The following MYPN variants were observed in gnomAD, a reference collection of about 807,000 sequenced individuals.
MYPN encodes sarcomeric protein myopalladin, 145 kDa (MYOP).
MYPN carries 63 observed loss-of-function variants against 129.4 expected under a neutral mutation model. That is an observed-to-expected ratio of 0.49 (90% CI 0.40 to 0.60). The LOEUF is 0.60. MYPN is among the 20% of genes least tolerant of loss of function. The pLI is 0.00. For synonymous variants in MYPN, 629 were observed against 600.9 expected, an observed-to-expected ratio of 1.05 and a Z score of -0.68; for missense variants, 1,596 against 1,635.4, an observed-to-expected ratio of 0.98 and a Z score of 0.42.
chr10:68,151,682 A>C (rs2042773719), intron 6 of MYPN, among the ~76,000 whole-genome samples: 1 of 152,128 alleles, frequency 6.6e-6, no homozygotes, highest in South Asian at 2.1e-4. Context: ...GCTAAACCAC[A>C]AGATAGTTTA....
chr10:68,165,730 G>C lies in MYPN; in HGVS notation c.1512G>C (p.Glu504Asp), dbSNP rs935247269. Reference sequence around the variant, plus strand: ...AGATTTGCACCTTGGTCATTGCTGAGGTGTTTGCAGAAGATTCTGGGTGCT... The same window carrying C: ...AGATTTGCACCTTGGTCATTGCTGACGTGTTTGCAGAAGATTCTGGGTGCT... ...PEEICTLVIA[E>D]VFAEDSGCFT... The change falls in exon 9 of 20, where the codon GAG (glutamate) becomes GAC (aspartate). Residue 504 changes from glutamate to aspartate, a missense_variant. Coordinates refer to ENST00000358913, the MANE Select transcript of MYPN (RefSeq NM_032578.4). The C allele has an allele frequency of 6.2e-7, 1 of 1,614,034 alleles. No individual in the cohort carries two copies. Among genetic ancestry groups the C allele is most frequent in the Non-Finnish European group, 8.5e-7 (1 of 1,180,016 alleles).
At chr10:68,113,027 G>C (rs555100093) in intron 1 of MYPN, among the ~76,000 whole-genome samples, 129 of 152,252 alleles carry the variant, frequency 8.5e-4, no homozygotes, top group African/African-American at 2.9e-3. Context: ...GGATATAGAA[G>C]GCAAAACCAA....
intron 13 of MYPN, among the ~76,000 whole-genome samples, chr10:68,192,989 G>A (rs2043540609): frequency 6.6e-6 from 1 of 151,268 alleles, no homozygotes. Flanking sequence ...TGTATTTTTG[G>A]TCTTTTGCAT....
At chr10:68,088,178 C>T (rs781419775) in intron 1 of MYPN, among the ~76,000 whole-genome samples, 1 of 152,118 alleles carries the variant, frequency 6.6e-6, no homozygotes, top group Non-Finnish European at 1.5e-5. Flanking sequence ...CTGAACCACT[C>T]CCTCTCACCT....
intron 5 of MYPN, 36 bp from the exon 6 acceptor site, chr10:68,150,004 G>A (rs2042740454): frequency 6.4e-7 from 1 of 1,563,618 alleles, no homozygotes; most frequent in Non-Finnish European, 8.8e-7. Flanking sequence ...AATAATATTA[G>A]TAACAATGAA....
intron 12 of MYPN, among the ~76,000 whole-genome samples, chr10:68,186,353 A>G (rs1036661708): frequency 5.3e-5 from 8 of 152,334 alleles, no homozygotes; most frequent in Admixed American, 2.0e-4. Flanking sequence ...AGATGATTAT[A>G]TTGAATGTAT....
chr10:68,194,597 G>A (rs911028926), intron 14 of MYPN, 85 bp downstream of exon 14: 2 of 1,444,918 alleles, frequency 1.4e-6, no homozygotes, highest in Non-Finnish European at 1.9e-6. Context: ...AGAAGTGCGA[G>A]TTACTAAGGA....
At chr10:68,132,289 A>T (rs1376627381) in intron 2 of MYPN, among the ~76,000 whole-genome samples, 1 of 152,156 alleles carries the variant, frequency 6.6e-6, no homozygotes, top group East Asian at 1.9e-4. Flanking sequence ...TATGGTAAAG[A>T]ATATTGATTT....
chr10:68,144,576 T>G (rs1186884888), intron 3 of MYPN, among the ~76,000 whole-genome samples: 10 of 152,234 alleles, frequency 6.6e-5, no homozygotes, highest in Non-Finnish European at 1.5e-4. Flanking sequence ...CTTCGTGGAA[T>G]GCACTATCTT....
At chr10:68,200,694 G>T (rs1171955897) in intron 17 of MYPN, among the ~76,000 whole-genome samples, 1 of 151,878 alleles carries the variant, frequency 6.6e-6, no homozygotes, top group Non-Finnish European at 1.5e-5. Flanking sequence ...GGAGGTGGAG[G>T]TTGCAGTCAG....
chr10:68,095,640 G>A, intron 1 of MYPN, among the ~76,000 whole-genome samples: 1 of 152,164 alleles, frequency 6.6e-6, no homozygotes, highest in East Asian at 1.9e-4. Context: ...CTTCCCCTAA[G>A]TTTTCTTTAA....
rs1028531330 is a variant in MYPN at position 68,210,713 on chromosome 10, C to T, written c.*258C>T. On this transcript the variant is annotated 3_prime_UTR_variant, in exon 20 of 20. Coordinates refer to ENST00000358913, the MANE Select transcript of MYPN (RefSeq NM_032578.4). ...TGAACCAAAGATGTCACACAGTTGC[C>T]ATCCACTGCTTTGGGAAAAAACTAG... 1.7e-6 allele frequency: 1 copy of T among 577,778 alleles called. No individual in the cohort carries two copies. The highest frequency in any genetic ancestry group is 2.2e-5 in the Admixed American group (1 of 46,142). 35.8% of individuals were successfully genotyped at this position (577,778 alleles called of 1,614,324 possible). A position where few individuals can be genotyped will look rare whatever the true frequency, so the allele number is the denominator to read the frequency against.
chr10:68,096,916 C>A (rs117162130), intron 1 of MYPN, among the ~76,000 whole-genome samples: 2 of 152,228 alleles, frequency 1.3e-5, no homozygotes, highest in South Asian at 2.1e-4. Flanking sequence ...TATATCAATA[C>A]GCTCAATTAT....
upstream of MYPN, among the ~76,000 whole-genome samples, chr10:68,104,502 T>C (rs909480129): frequency 9.2e-5 from 14 of 152,144 alleles, no homozygotes; most frequent in African/African-American, 3.4e-4. Flanking sequence ...AATGAAAAAA[T>C]AGGTCTGTCA....
chr10:68,197,612 T>G, intron 16 of MYPN, 134 bp downstream of exon 16: 1 of 1,098,420 alleles, frequency 9.1e-7, no homozygotes, highest in Non-Finnish European at 1.3e-6. Context: ...ACAGATCACT[T>G]TTTTTCATCA....
At chr10:68,165,863 G>C (rs2043045463) in intron 9 of MYPN, 45 bp downstream of exon 9, 2 of 1,442,396 alleles carry the variant, frequency 1.4e-6, no homozygotes, top group Non-Finnish European at 2.0e-6. Flanking sequence ...ATGACTTTGA[G>C]TGTGAATATG....
In MYPN at chr10:68,145,504, C is replaced by G; in HGVS notation, c.1108C>G (p.Pro370Ala). Residue 370 changes from proline (P) to alanine (A), a missense_variant, in exon 4 of 20, where the codon CCT becomes GCT. Coordinates refer to ENST00000358913, the MANE Select transcript of MYPN (RefSeq NM_032578.4). Reference sequence around the variant, plus strand: ...TTCTTCTTCTGACTCAGAAGGCGACCCTAACAAGGAAGAGATGAATCGGTA... The same window carrying G: ...TTCTTCTTCTGACTCAGAAGGCGACGCTAACAAGGAAGAGATGAATCGGTA... ...GVSSSDSEGD[P>A]NKEEMNRIQK... is the part of the protein sequence containing the mutation. 1 of 1,613,156 alleles carries G rather than the reference C, an allele frequency of 6.2e-7. No individual in the cohort carries two copies. The highest frequency in any genetic ancestry group is 8.5e-7 in the Non-Finnish European group (1 of 1,179,552).
At chr10:68,101,458 C>G (rs2041981534), upstream of MYPN, among the ~76,000 whole-genome samples, 2 of 152,302 alleles carry the variant, frequency 1.3e-5, no homozygotes, top group African/African-American at 2.4e-5. Flanking sequence ...AAAATTTGCT[C>G]TAGCTGCCTT....
At chr10:68,203,689 G>GCACA (rs372251488) in intron 18 of MYPN, among the ~76,000 whole-genome samples, 112 of 52,754 alleles carry the variant, frequency 2.1e-3, no homozygotes, top group African/African-American at 3.6e-3. Context: ...AAACGCGCAC[G>GCACA]CACACACACA....
Sources: allele counts gnomAD v4.1 joint callset (sites outside exome capture counted in the v4.1 genomes callset), GRCh38; gene constraint gnomAD v4.1.1; transcripts MANE v1.5; gene names NCBI Gene and HGNC (gene_info 2026-07-23, HGNC 2026-07-21).